The following CEP350 variants were observed in gnomAD, a reference collection of about 807,000 sequenced individuals.
CEP350 encodes the protein centrosomal protein 350.
CEP350 carries 126 observed loss-of-function variants against 331.8 expected under a neutral mutation model. The ratio of observed to expected loss-of-function variants is 0.38; its 90% CI spans 0.33 to 0.44. The LOEUF is 0.44. CEP350 is among the 20% of genes least tolerant of loss of function. The pLI is 1.00. For missense variants in CEP350, 3,406 were observed against 3,634.6 expected, an observed-to-expected ratio of 0.94 and a Z score of 1.62; for synonymous variants, 1,200 against 1,259.5, an observed-to-expected ratio of 0.95 and a Z score of 1.00.
intron 22 of CEP350, 28 bp downstream of exon 22, chr1:180,048,733 A>G: frequency 1.3e-6 from 2 of 1,557,254 alleles, no homozygotes; most frequent in Non-Finnish European, 1.8e-6. Context: ...TAAATGTGTA[A>G]TCATTTGTTC....
chr1:180,067,245 G>A (rs1658598069), intron 27 of CEP350, among the ~76,000 whole-genome samples: 1 of 152,102 alleles, frequency 6.6e-6, no homozygotes, highest in Non-Finnish European at 1.5e-5. Flanking sequence ...TGACAACTAT[G>A]GCAATTGATT....
chr1:180,010,748 C>T lies in CEP350; in HGVS notation c.1247-1181C>T, dbSNP rs867033285. Among the ~76,000 whole-genome samples the T allele has an allele frequency of 2.3e-4, 35 of 151,690 alleles. 1 individual carries two copies. The highest frequency in any genetic ancestry group is 1.1e-3 in the Admixed American group (17 of 15,214). On this transcript the variant is annotated intron_variant, in intron 8 of 37. Coordinates refer to ENST00000367607, the MANE Select transcript of CEP350 (RefSeq NM_014810.5). ...TCCTGGGTAGCTGGGACTACAGGCA[C>T]GCATCACTGTACCCAGCTAATTTTT...
intron 1 of CEP350, among the ~76,000 whole-genome samples, chr1:179,979,137 A>C (rs910302025): frequency 6.6e-6 from 1 of 152,044 alleles, no homozygotes; most frequent in Non-Finnish European, 1.5e-5. Flanking sequence ...TTTATGAGGA[A>C]TCTCCATACT....
chr1:179,968,862 T>C, intron 1 of CEP350: 1 of 739,778 alleles, frequency 1.4e-6, no homozygotes, highest in South Asian at 1.3e-5. Flanking sequence ...AAAACCCCGC[T>C]GATGTCAGTG....
chr1:179,997,449 A>G (rs1205301098), intron 6 of CEP350, among the ~76,000 whole-genome samples: 2 of 151,784 alleles, frequency 1.3e-5, no homozygotes, highest in East Asian at 1.9e-4. Context: ...AGGCTGAGGC[A>G]GGAGAATGGT....
At chr1:180,062,170 G>T (rs1658267091) in intron 25 of CEP350, 50 bp from the exon 26 acceptor site, 7 of 1,440,516 alleles carry the variant, frequency 4.9e-6, no homozygotes, top group East Asian at 2.5e-5. Flanking sequence ...TATTACTTTG[G>T]CCTTGTCTTC....
chr1:180,095,564 T>C lies in CEP350; in HGVS notation c.8553T>C (p.Ala2851=). The change falls in exon 35 of 38, where the codon GCT becomes GCC. Residue 2851 remains alanine, a synonymous_variant. Transcript: ENST00000367607. ...GTGCCAGTGGGCAGGAAGAACTTGC[T>C]AAGAGACTTGCTGAACTTGAACTCA... ...VFGASGQEEL[A]KRLAELELSR... 6.2e-7 allele frequency: 1 copy of C among 1,613,960 alleles called. No homozygotes were observed. The highest frequency in any genetic ancestry group is 2.2e-5 in the East Asian group (1 of 44,880).
intron 1 of CEP350, among the ~76,000 whole-genome samples, chr1:179,974,341 A>G (rs1468078234): frequency 6.6e-6 from 1 of 152,020 alleles, no homozygotes; most frequent in Non-Finnish European, 1.5e-5. Flanking sequence ...TGGCCTCCCA[A>G]AGTGCTGGGA....
At chr1:180,087,443 G>C in intron 31 of CEP350, 135 bp from the exon 32 acceptor site, 8 of 711,392 alleles carry the variant, frequency 1.1e-5, no homozygotes, top group Admixed American at 6.9e-5. Flanking sequence ...TGATGCTGAG[G>C]GGGGCAGGGA....
At position 180,092,993 on chromosome 1, in the gene CEP350, A is replaced by G. The variant is rs770545066; in HGVS notation, c.6888A>G (p.Glu2296=). ...TCCTAGAACAGGGAGATTCATCTGA[A>G]ATTCTTTCAAAGAAAGATCTTCCTT... ...KLVLEQGDSS[E]ILSKKDLPLD... Residue 2296 remains glutamate (E), a synonymous_variant, in exon 34 of 38, where the codon GAA becomes GAG. Transcript: ENST00000367607. The G allele has an allele frequency of 1.9e-6, 3 of 1,602,892 alleles. No homozygotes were observed. The South Asian group carries it at 3.4e-5, about 18-fold the overall frequency.
intron 32 of CEP350, among the ~76,000 whole-genome samples, chr1:180,089,825 C>T (rs1055244684): frequency 6.6e-6 from 1 of 151,984 alleles, no homozygotes; most frequent in Non-Finnish European, 1.5e-5. Flanking sequence ...AGGATAAGCA[C>T]ATATATAGTG....
chr1:180,100,814 C>A (rs987255576), intron 37 of CEP350, among the ~76,000 whole-genome samples: 1 of 152,170 alleles, frequency 6.6e-6, no homozygotes, highest in African/African-American at 2.4e-5. Flanking sequence ...AAAGTGGAAA[C>A]CCCTGATAAA....
chr1:180,012,211 A>G (rs1318762094), intron 9 of CEP350, 136 bp downstream of exon 9: 4 of 743,868 alleles, frequency 5.4e-6, no homozygotes, highest in African/African-American at 1.8e-5. Context: ...AAAGAAAAAA[A>G]TGTTCTATTG....
At chr1:179,966,043 T>C (rs1034994574) in intron 1 of CEP350, among the ~76,000 whole-genome samples, 25 of 152,176 alleles carry the variant, frequency 1.6e-4, no homozygotes, top group African/African-American at 6.0e-4. Flanking sequence ...TCAGCAAAAA[T>C]AGATCTGAAA....
At chr1:180,063,829 A>G (rs1233540568) in intron 26 of CEP350, among the ~76,000 whole-genome samples, 1 of 152,042 alleles carries the variant, frequency 6.6e-6, no homozygotes, top group African/African-American at 2.4e-5. Context: ...AAATCATTAT[A>G]GTGTGAGAAA....
chr1:180,092,041 T>C (rs1196616265), intron 33 of CEP350, among the ~76,000 whole-genome samples: 1 of 75,944 alleles, frequency 1.3e-5, no homozygotes, highest in Non-Finnish European at 3.6e-5. Context: ...AGATTCTTGC[T>C]CTTACAAAAA....
intron 6 of CEP350, among the ~76,000 whole-genome samples, chr1:179,999,929 G>T (rs1336772123): frequency 2.0e-5 from 3 of 152,012 alleles, no homozygotes; most frequent in African/African-American, 7.2e-5. Flanking sequence ...ATTCTTTCTT[G>T]TACTATATTT....
chr1:180,096,303 G>A, intron 36 of CEP350, 119 bp downstream of exon 36: 1 of 1,061,882 alleles, frequency 9.4e-7, no homozygotes, highest in Non-Finnish European at 1.3e-6. Flanking sequence ...TTCAGGACCT[G>A]TTCCATAGTG....
At chr1:180,108,162 C>G (rs944385897) in intron 37 of CEP350, among the ~76,000 whole-genome samples, 1 of 152,096 alleles carries the variant, frequency 6.6e-6, no homozygotes, top group African/African-American at 2.4e-5. Flanking sequence ...GGGAACAAAG[C>G]TTTTGCCAAC....
Sources: gnomAD v4.1 joint callset for allele counts (sites outside exome capture counted in the v4.1 genomes callset) on GRCh38, gnomAD v4.1.1 for gene constraint, MANE v1.5 for transcripts, NCBI Gene and HGNC (gene_info 2026-07-23, HGNC 2026-07-21) for gene names.